The following NUBPL variants were observed in gnomAD, a reference collection of about 807,000 sequenced individuals.
NUBPL encodes iron-sulfur cluster transfer protein NUBPL.
In NUBPL, 31 loss-of-function variants were observed where a neutral mutation model predicts 45.7. The observed-to-expected ratio is 0.68, with a 90% CI of 0.51 to 0.92. The LOEUF (loss-of-function observed/expected upper bound fraction) is 0.92. Ranked by LOEUF, NUBPL falls within the 40% of genes least tolerant of loss-of-function variation. The probability of loss-of-function intolerance (pLI) is 0.00; values close to 1 mark genes in which losing one functional copy is unlikely to be tolerated. For synonymous variants in NUBPL, 144 were observed against 140.9 expected (o/e 1.02, Z -0.15); for missense variants, 401 against 398.7 (o/e 1.01, Z -0.05).
intron 6 of NUBPL, among the ~76,000 whole-genome samples, chr14:31,758,890 G>A (rs1250172299): frequency 6.6e-6 from 1 of 151,968 alleles, no homozygotes; most frequent in African/African-American, 2.4e-5. Context: ...AAAACTCGTG[G>A]GTTCCCTTCT....
intron 4 of NUBPL, among the ~76,000 whole-genome samples, chr14:31,615,532 G>A (rs2034876251): frequency 6.6e-6 from 1 of 152,050 alleles, no homozygotes; most frequent in Admixed American, 6.6e-5. Context: ...CCACTTATGA[G>A]TGAGAACATG....
At chr14:31,729,062 CT>C in intron 6 of NUBPL, among the ~76,000 whole-genome samples, 1 of 152,274 alleles carries the variant, frequency 6.6e-6, no homozygotes, top group South Asian at 2.1e-4. Context: ...GGGCGGATCA[CT>C]TGAGTTCAGG....
chr14:31,619,334 T>C (rs1455893867), intron 4 of NUBPL, among the ~76,000 whole-genome samples: 1 of 152,210 alleles, frequency 6.6e-6, no homozygotes, highest in Non-Finnish European at 1.5e-5. Flanking sequence ...ATTAGGATGC[T>C]AGGTGGTTAT....
chr14:31,613,696 T>C (rs2034822114), intron 4 of NUBPL, among the ~76,000 whole-genome samples: 1 of 152,084 alleles, frequency 6.6e-6, no homozygotes, highest in South Asian at 2.1e-4. Context: ...GACCTTGTGA[T>C]CCTCCTGCCT....
intron 4 of NUBPL, among the ~76,000 whole-genome samples, chr14:31,637,300 G>A (rs1318540067): frequency 1.3e-5 from 2 of 152,248 alleles, no homozygotes; most frequent in South Asian, 2.1e-4. Flanking sequence ...CTTTGTTCTT[G>A]TTGGTTTCAA....
intron 6 of NUBPL, among the ~76,000 whole-genome samples, chr14:31,725,244 T>G (rs7147785): frequency 0.9 from 137,053 of 152,054 alleles, 62,000 homozygotes; most frequent in East Asian, 0.99. Context: ...AGATAGGTTG[T>G]ATTATTGTCT....
chr14:31,684,616 CTAAATTGTGGATT>C (rs1396078082), intron 6 of NUBPL, among the ~76,000 whole-genome samples: 4 of 152,108 alleles, frequency 2.6e-5, no homozygotes, highest in African/African-American at 4.8e-5. Context: ...AGATTTCTTT[CTAAATTGTGGATT>C]TATATATTAT....
In NUBPL at chr14:31,632,890, T is replaced by C. The variant is rs554090036; in HGVS notation, c.382+33511T>C. On this transcript the variant is annotated intron_variant, in intron 4 of 10. Transcript: ENST00000281081. The stretch of plus-strand genomic sequence containing the variant: ...GTCCATAAAAGTGGTTTATTTAACA[T>C]TGAAGCATAGTAGTGGCAAATATTT... Among the ~76,000 whole-genome samples the C allele has an allele frequency of 1.6e-4, 25 of 152,332 alleles. No individual in the cohort carries two copies. The South Asian group carries it at 4.3e-3, about 26-fold the overall frequency.
rs4981131 is a variant in NUBPL at position 31,859,302 on chromosome 14, G to C, written c.*122G>C. ...CATAACTGTTTTATTTCTAAGGAAA[G>C]AATGTCTTCATATTTGACTTGCTAA... On this transcript the variant is annotated 3_prime_UTR_variant, in exon 11 of 11. Transcript: ENST00000281081. 0.16 allele frequency: 131,257 copies of C among 840,014 alleles called. 12,274 individuals are homozygous for C. The highest frequency in any genetic ancestry group is 0.2 in the Non-Finnish European group (100,385 of 499,224). 52.0% of individuals were successfully genotyped at this position (840,014 alleles called of 1,614,324 possible). A position where few individuals can be genotyped will look rare whatever the true frequency, so the allele number is the denominator to read the frequency against.
At chr14:31,726,569 A>G (rs1343047603) in intron 6 of NUBPL, among the ~76,000 whole-genome samples, 1 of 152,220 alleles carries the variant, frequency 6.6e-6, no homozygotes, top group African/African-American at 2.4e-5. Flanking sequence ...TCACTAAAAT[A>G]TAAGCTATAT....
intron 6 of NUBPL, among the ~76,000 whole-genome samples, chr14:31,744,006 G>C (rs1430524703): frequency 6.6e-6 from 1 of 152,086 alleles, no homozygotes. Context: ...TAATATATTA[G>C]ATGAATGCTG....
rs570602789 is a variant in NUBPL, at chr14:31,747,785, T to A, written c.514-39995T>A. ...TGTTTCATTCATCTTTTGTATTTTT[T>A]AAAGTCTCTATTTCATTTACTTTCA... On this transcript the variant is annotated intron_variant, in intron 6 of 10. Transcript: ENST00000281081. Among the ~76,000 whole-genome samples the A allele has an allele frequency of 3.9e-5, 6 of 152,312 alleles. No homozygotes were observed. In the East Asian group the frequency reaches 1.2e-3, roughly 29 times the overall value.
chr14:31,577,574 C>G (rs1485958835), intron 3 of NUBPL, among the ~76,000 whole-genome samples: 1 of 152,172 alleles, frequency 6.6e-6, no homozygotes, highest in Non-Finnish European at 1.5e-5. Flanking sequence ...CCACCACGCC[C>G]AGCTAATTTT....
chr14:31,826,908 G>C (rs2040115174), intron 8 of NUBPL, among the ~76,000 whole-genome samples, 194 bp downstream of exon 8: 1 of 152,118 alleles, frequency 6.6e-6, no homozygotes, highest in African/African-American at 2.4e-5. Flanking sequence ...TAATCCATAA[G>C]AATTGTAAAA....
intron 7 of NUBPL, among the ~76,000 whole-genome samples, chr14:31,823,540 T>C (rs1340166688): frequency 1.3e-5 from 2 of 152,094 alleles, no homozygotes; most frequent in East Asian, 1.9e-4. Flanking sequence ...AGCTCTGAGA[T>C]TGAGGGCTAA....
In NUBPL at chr14:31,743,640, A is replaced by G. The variant is rs143280206; in HGVS notation, c.514-44140A>G. On this transcript the variant is annotated intron_variant, in intron 6 of 10. Transcript: ENST00000281081. ...GGTGGTCTGCCCTCACTGGCCTCCG[A>G]AAGTGCTGGGATTAGAGGAGTGAGC... 3.3e-3 allele frequency among the ~76,000 whole-genome samples: 505 copies of G among 152,244 alleles called. 2 individuals carry two copies. The highest frequency in any genetic ancestry group is 5.4e-3 in the Non-Finnish European group (368 of 68,022).
chr14:31,613,680 A>G (rs893962549), intron 4 of NUBPL, among the ~76,000 whole-genome samples: 6 of 150,706 alleles, frequency 4.0e-5, no homozygotes, highest in African/African-American at 1.5e-4. Context: ...CTGGTCTTGA[A>G]CTCCTGACCT....
chr14:31,710,209 C>G (rs529290663), intron 6 of NUBPL, among the ~76,000 whole-genome samples: 2 of 152,242 alleles, frequency 1.3e-5, no homozygotes, highest in East Asian at 3.9e-4. Flanking sequence ...AAGGGTGAGC[C>G]TGTTGATGCC....
chr14:31,591,630 C>G (rs2034145609), intron 3 of NUBPL, among the ~76,000 whole-genome samples: 1 of 151,876 alleles, frequency 6.6e-6, no homozygotes. Flanking sequence ...ATTTATGACC[C>G]CTTTTAAACA....
Sources: allele counts gnomAD v4.1 joint callset (sites outside exome capture counted in the v4.1 genomes callset), GRCh38; gene constraint gnomAD v4.1.1; transcripts MANE v1.5; gene names NCBI Gene and HGNC (gene_info 2026-07-23, HGNC 2026-07-21).